CPS1: variants seen among roughly 807,000 people sequenced by gnomAD.
The protein encoded by CPS1 is carbamoyl-phosphate synthase 1.
CPS1 carries 109 observed loss-of-function variants against 174.6 expected under a neutral mutation model. The observed-to-expected ratio is 0.62, with a 90% CI of 0.53 to 0.73. The LOEUF (loss-of-function observed/expected upper bound fraction) is 0.73, where lower values mean the gene tolerates loss of function less well. Ranked by LOEUF, CPS1 falls within the 30% of genes least tolerant of loss-of-function variation. The pLI, the probability that CPS1 is intolerant of heterozygous loss-of-function variation, is 0.00. For missense variants in CPS1, 1,689 were observed against 1,821.9 expected (o/e 0.93, Z 1.33); for synonymous variants, 637 against 632.0 (o/e 1.01, Z -0.12).
At chr2:210,657,642 C>T (rs1002117704) in intron 30 of CPS1, 1 of 152,112 alleles carries the variant, frequency 6.6e-6, no homozygotes, top group Non-Finnish European at 1.5e-5. Context: ...TGAGGAGGTC[C>T]CATTAGTCTT....
At chr2:210,622,526 G>A (rs974802531) in intron 21 of CPS1, among the ~76,000 whole-genome samples, 1 of 151,706 alleles carries the variant, frequency 6.6e-6, no homozygotes, top group Admixed American at 6.6e-5. Context: ...CAATAAAGGG[G>A]TGATAGTCCT....
chr2:210,486,211 C>T (rs1284318739), intron 1 of CPS1, among the ~76,000 whole-genome samples: 10 of 151,492 alleles, frequency 6.6e-5, no homozygotes, highest in Admixed American at 6.6e-4. Context: ...AGTCCCTTCC[C>T]CCATTCCCAG....
chr2:210,609,492 T>C (rs1248871743), intron 19 of CPS1, among the ~76,000 whole-genome samples: 1 of 152,020 alleles, frequency 6.6e-6, no homozygotes, highest in East Asian at 1.9e-4. Context: ...AGGATTCTTA[T>C]AATACCCCCT....
chr2:210,602,440 C>T (rs1279716625), intron 16 of CPS1, 110 bp downstream of exon 16: 17 of 1,354,836 alleles, frequency 1.3e-5, no homozygotes, highest in East Asian at 9.3e-5. Flanking sequence ...TTTATTAAAT[C>T]ATGATCATGT....
At position 210,637,799 on chromosome 2, in the gene CPS1, A is replaced by T; in HGVS notation, c.2785A>T (p.Arg929Trp). 6.2e-7 allele frequency: 1 copy of T among 1,614,008 alleles called. No individual in the cohort carries two copies. Among genetic ancestry groups the T allele is most frequent in the South Asian group, 1.1e-5 (1 of 91,078 alleles). The change falls in exon 22 of 38, where the codon AGG becomes TGG. Residue 929 changes from arginine (R) to tryptophan (W), a missense_variant. Arg to Trp is a moderately radical substitution (Grantham distance 101). Coordinates refer to ENST00000233072, the MANE Select transcript of CPS1 (RefSeq NM_001875.5). Reference sequence around the variant, plus strand: ...CCTTGGGCTCACTGAGGCCCAGACAAGGGAGCTGAGGTTAAAGAAAAACAT... The same window carrying T: ...CCTTGGGCTCACTGAGGCCCAGACATGGGAGCTGAGGTTAAAGAAAAACAT... ...KCLGLTEAQT[R>W]ELRLKKNIHP...
rs1378806383 is a variant in CPS1 at position 210,647,927 on chromosome 2, A to G, written c.3206A>G (p.Tyr1069Cys). The G allele has an allele frequency of 6.2e-7, 1 of 1,613,958 alleles. No homozygotes were observed. The highest frequency in any genetic ancestry group is 1.7e-5 in the Admixed American group (1 of 59,970). ...QIPNNLAVPL[Y>C]KNGVKIMGTS... ...CCAAACAACCTGGCAGTTCCTCTAT[A>G]CAAGAATGGTGTCAAGATCATGGGC... The change falls in exon 26 of 38, where the codon TAC becomes TGC. Residue 1069 changes from tyrosine (Y) to cysteine (C), a missense_variant. Tyr to Cys is a radical substitution (Grantham distance 194). Transcript: ENST00000233072.
intron 21 of CPS1, among the ~76,000 whole-genome samples, chr2:210,626,966 T>C (rs574705419): frequency 6.6e-6 from 1 of 152,328 alleles, no homozygotes; most frequent in African/African-American, 2.4e-5. Flanking sequence ...ATACTTTATG[T>C]CACACCAATC....
chr2:210,532,795 A>G (rs1011928924), intron 1 of CPS1, among the ~76,000 whole-genome samples: 1 of 152,322 alleles, frequency 6.6e-6, no homozygotes, highest in Admixed American at 6.5e-5. Flanking sequence ...TCTGGTAAGC[A>G]GAACTACCAA....
intron 30 of CPS1, chr2:210,657,309 TC>T (rs1440474035): frequency 2.0e-5 from 3 of 150,570 alleles, no homozygotes; most frequent in Non-Finnish European, 4.4e-5. Flanking sequence ...GAACCTATCA[TC>T]TTTTTTTTTT....
Position 210,664,598 on chromosome 2 carries a change from A to T in CPS1, c.4002+1401A>T, listed in dbSNP as rs116573496. On this transcript the variant is annotated intron_variant, in intron 33 of 37. Coordinates refer to ENST00000233072, the MANE Select transcript of CPS1 (RefSeq NM_001875.5). ...AGGTGATCCGCCCGCTACAGACATG[A>T]GCCACCGCAGCCGGCCCATGCTGTT... is the stretch of plus-strand genomic sequence containing the variant. 6.3e-3 allele frequency among the ~76,000 whole-genome samples: 956 copies of T among 152,184 alleles called. 13 individuals carry two copies. The highest frequency in any genetic ancestry group is 0.022 in the African/African-American group (904 of 41,522).
At chr2:210,554,487 G>T (rs1696838728), upstream of CPS1, among the ~76,000 whole-genome samples, 1 of 151,774 alleles carries the variant, frequency 6.6e-6, no homozygotes, top group African/African-American at 2.4e-5. Flanking sequence ...TGGTGATGAA[G>T]TCTTTTCCTT....
Position 210,658,599 on chromosome 2 carries a change from G to A in CPS1, c.3667G>A (p.Val1223Met). ...QTISQGAIEK[V>M]KDATRKIAKA... ...TATACGATTATGCTTTTTAATTCAG[G>A]TGAAGGATGCTACCCGGAAGATTGC... Residue 1223 changes from valine to methionine, a missense_variant and splice_region_variant, in exon 31 of 38, where the codon GTG becomes ATG. By Grantham distance (21) the Val-to-Met change is conservative. Transcript: ENST00000233072. 2 of 1,613,618 alleles carry A rather than the reference G, an allele frequency of 1.2e-6. No individual in the cohort carries two copies. Among genetic ancestry groups the A allele is most frequent in the Non-Finnish European group, 1.7e-6 (2 of 1,179,580 alleles).
chr2:210,653,813 A>G (rs1207004608), intron 28 of CPS1, among the ~76,000 whole-genome samples: 2 of 152,114 alleles, frequency 1.3e-5, no homozygotes, highest in Non-Finnish European at 2.9e-5. Flanking sequence ...TGAGCACTCA[A>G]AGTTGGAGAA....
intron 1 of CPS1, among the ~76,000 whole-genome samples, chr2:210,549,091 A>T (rs1421053796): frequency 6.6e-6 from 1 of 152,112 alleles, no homozygotes; most frequent in South Asian, 2.1e-4. Flanking sequence ...ACTTCAAGAC[A>T]TGTTGCACCA....
upstream of CPS1, chr2:210,556,409 A>G (rs1167013790): frequency 3.8e-6 from 2 of 527,498 alleles, no homozygotes; most frequent in Non-Finnish European, 7.1e-6. Flanking sequence ...AGCTGCATAA[A>G]CAATTCCTTT....
intron 1 of CPS1, among the ~76,000 whole-genome samples, chr2:210,549,612 A>T (rs1364757502): frequency 6.6e-6 from 1 of 152,024 alleles, no homozygotes; most frequent in Non-Finnish European, 1.5e-5. Context: ...ATGTCTACTA[A>T]CAGCTTTAGA....
At chr2:210,577,213 A>G in intron 3 of CPS1, 1 of 586,482 alleles carries the variant, frequency 1.7e-6, no homozygotes, top group South Asian at 2.0e-5. Context: ...CAAGCCAGGT[A>G]AGCCTGCTCC....
At chr2:210,590,685 C>T in intron 8 of CPS1, 115 bp from the exon 9 acceptor site, 2 of 753,268 alleles carry the variant, frequency 2.7e-6, no homozygotes, top group South Asian at 1.5e-5. Flanking sequence ...TTCTTTAATT[C>T]AGTTACTATT....
chr2:210,558,411 G>A (rs1696989467), intron 1 of CPS1, among the ~76,000 whole-genome samples: 1 of 151,984 alleles, frequency 6.6e-6, no homozygotes, highest in Non-Finnish European at 1.5e-5. Context: ...TGGGAAAGGA[G>A]AATATTCTAA....
Sources: gnomAD v4.1 joint callset for allele counts (sites outside exome capture counted in the v4.1 genomes callset) on GRCh38, gnomAD v4.1.1 for gene constraint, MANE v1.5 for transcripts, NCBI Gene and HGNC (gene_info 2026-07-23, HGNC 2026-07-21) for gene names.